The following TTN variants were observed in gnomAD, a reference collection of about 807,000 sequenced individuals.
The protein encoded by TTN is titin.
A neutral mutation model predicts 3,223.0 loss-of-function variants in TTN; 1,525 were observed. The observed-to-expected ratio is 0.47, with a 90% CI of 0.45 to 0.49. The LOEUF is 0.49. Ranked by LOEUF, TTN falls within the 20% of genes least tolerant of loss-of-function variation. The pLI is 0.00. For missense variants in TTN, 40,786 were observed against 43,424.0 expected, an observed-to-expected ratio of 0.94 and a Z score of 5.40; for synonymous variants, 14,094 against 15,161.0, an observed-to-expected ratio of 0.93 and a Z score of 5.17.
intron 119 of TTN, among the ~76,000 whole-genome samples, chr2:178,693,172 G>A (rs1365765642): frequency 1.3e-5 from 2 of 151,974 alleles, no homozygotes; most frequent in Non-Finnish European, 2.9e-5. Context: ...ACACAGATAA[G>A]AACAAAATGC....
rs756368092 is a variant in TTN, at chr2:178,740,179, G to C, written c.13054C>G (p.Pro4352Ala). Reference sequence around the variant, plus strand: ...TTAGACTCAATGATTTGGTCTGGGGGCATCACCACGTTGTCAGAATGCTCT... The same window carrying C: ...TTAGACTCAATGATTTGGTCTGGGGCCATCACCACGTTGTCAGAATGCTCT... ...KEEHSDNVVM[P>A]PDQIIESKRE... Residue 4352 changes from proline to alanine, a missense_variant, in exon 48 of 363, where the codon CCC becomes GCC. Coordinates refer to ENST00000589042, the MANE Select transcript of TTN (RefSeq NM_001267550.2). 3 of 1,613,388 alleles carry C rather than the reference G, an allele frequency of 1.9e-6. No individual in the cohort carries two copies. In the South Asian group the frequency reaches 3.3e-5, roughly 18 times the overall value.
intron 278 of TTN, 22 bp from the exon 279 acceptor site, chr2:178,605,735 A>G: frequency 6.9e-7 from 1 of 1,448,292 alleles, no homozygotes; most frequent in South Asian, 1.7e-5. Context: ...GGCAAGTGAA[A>G]ATGATTAGCA....
rs372301168 is a variant in TTN, at chr2:178,750,585, G to A, written c.11311+2539C>T. 2 of 1,612,192 alleles carry A rather than the reference G, an allele frequency of 1.2e-6. No individual in the cohort carries two copies. The highest frequency in any genetic ancestry group is 2.7e-5 in the African/African-American group (2 of 74,796). ...AGAAATGAAGGTGGGCAACGTTGTG[G>A]GCGTTTTCGAAAAGAATTTTCAAAA... is the stretch of plus-strand genomic sequence containing the variant. On this transcript the variant is annotated intron_variant, in intron 47 of 362. Transcript: ENST00000589042.
chr2:178,637,189 A>C (rs1335246130), intron 224 of TTN, among the ~76,000 whole-genome samples, 180 bp downstream of exon 224: 8 of 124,724 alleles, frequency 6.4e-5, no homozygotes, highest in Non-Finnish European at 1.2e-4. Flanking sequence ...ATATATATAT[A>C]TCTCCTTGCA....
chr2:178,536,592 AG>A lies in TTN; in HGVS notation c.100172-18del. On this transcript the variant is annotated intron_variant, in intron 356 of 362. Coordinates refer to ENST00000589042, the MANE Select transcript of TTN (RefSeq NM_001267550.2). Reference sequence around the variant, plus strand: ...CTGGCTTTTCTATTAAACAAAAAAAAGATTTGAGTCATGAGATGAAACAGGC... The same window carrying A: ...CTGGCTTTTCTATTAAACAAAAAAAAATTTGAGTCATGAGATGAAACAGGC... 2 of 1,483,200 alleles carry A rather than the reference AG, an allele frequency of 1.3e-6. No homozygotes were observed. Among genetic ancestry groups the A allele is most frequent in the African/African-American group, 2.8e-5 (2 of 71,380 alleles). 91.9% of individuals were successfully genotyped at this position (1,483,200 alleles called of 1,614,324 possible).
intron 313 of TTN, 40 bp from the exon 314 acceptor site, chr2:178,582,632 G>A (rs760975456): frequency 4.5e-6 from 7 of 1,561,936 alleles, no homozygotes; most frequent in Non-Finnish European, 5.2e-6. Flanking sequence ...GTGGAATGGG[G>A]AATGAGTATA....
chr2:178,795,805 T>A (rs987136726), intron 6 of TTN, among the ~76,000 whole-genome samples: 1 of 152,186 alleles, frequency 6.6e-6, no homozygotes, highest in Non-Finnish European at 1.5e-5. Flanking sequence ...GGGGGACACA[T>A]CCTCAGGAAG....
At chr2:178,679,576 C>T (rs769550402) in intron 141 of TTN, 23 bp downstream of exon 141, 2 of 1,605,076 alleles carry the variant, frequency 1.2e-6, no homozygotes, top group Non-Finnish European at 8.5e-7. Context: ...CTCTTAGATA[C>T]CCGTCAATGA....
Position 178,630,870 on chromosome 2 carries a change from G to T in TTN, c.44088C>A (p.Thr14696=), listed in dbSNP as rs749706106. 1.1e-5 allele frequency: 17 copies of T among 1,613,172 alleles called. No homozygotes were observed. The highest frequency in any genetic ancestry group is 1.4e-5 in the Non-Finnish European group (16 of 1,179,510). Residue 14696 remains threonine, a synonymous_variant, in exon 238 of 363, where the codon ACC becomes ACA. Transcript: ENST00000589042. ...VMETETARFE[T]EISEDDIHAN... ...CGTGGATATCATCTTCAGAGATTTC[G>T]GTTTCAAAGCGTGCTGTCTCAGTCT...
rs1223149453 is a variant in TTN, at chr2:178,568,609, G to A, written c.77523C>T (p.Thr25841=). The A allele has an allele frequency of 5.0e-6, 8 of 1,613,326 alleles. No homozygotes were observed. Among genetic ancestry groups the A allele is most frequent in the Non-Finnish European group, 6.8e-6 (8 of 1,179,526 alleles). Residue 25841 remains threonine, a synonymous_variant, in exon 326 of 363, where the codon ACC becomes ACT. Transcript: ENST00000589042. Reference sequence around the variant, plus strand: ...GTGAATCGGTAACATTGATTCTTGTGGTCTGCTTCAGTGGGAGACCATCTT... The same window carrying A: ...GTGAATCGGTAACATTGATTCTTGTAGTCTGCTTCAGTGGGAGACCATCTT... The part of the protein sequence containing the change: ...WTKDGLPLKQ[T]TRINVTDSLD...
At chr2:178,714,765 G>C (rs1198076996) in intron 90 of TTN, among the ~76,000 whole-genome samples, 192 bp from the exon 91 acceptor site, 2 of 152,092 alleles carry the variant, frequency 1.3e-5, no homozygotes, top group East Asian at 1.9e-4. Flanking sequence ...ATCTACTCCA[G>C]CTTTCTTAAT....
At chr2:178,764,053 G>C in intron 43 of TTN, 124 bp downstream of exon 43, 1 of 1,417,052 alleles carries the variant, frequency 7.1e-7, no homozygotes, top group Non-Finnish European at 9.9e-7. Flanking sequence ...TTTTCTGTTA[G>C]ATTTCCATTA....
Position 178,712,383 on chromosome 2 carries a change from C to T in TTN, c.27539G>A (p.Gly9180Glu). ...EIPSSTVEDA[G>E]QYNCYIENAS... ...ATTTTCAATGTAGCAGTTGTATTGTCCTGCATCCTCTACTGTGCTACTTGG... is the reference window on the plus strand; with the variant it reads ...ATTTTCAATGTAGCAGTTGTATTGTTCTGCATCCTCTACTGTGCTACTTGG... The change falls in exon 95 of 363, where the codon GGA (glycine) becomes GAA (glutamate). Residue 9180 changes from glycine (G) to glutamate (E), a missense_variant. By Grantham distance (98) the Gly-to-Glu change is moderately conservative (BLOSUM62 -2). Coordinates refer to ENST00000589042, the MANE Select transcript of TTN (RefSeq NM_001267550.2). 1 of 1,613,780 alleles carries T rather than the reference C, an allele frequency of 6.2e-7. No individual in the cohort carries two copies.
chr2:178,685,699 T>A (rs574015020), intron 127 of TTN, 101 bp from the exon 128 acceptor site: 122 of 1,196,354 alleles, frequency 1.0e-4, no homozygotes, highest in Non-Finnish European at 1.4e-4. Context: ...ATAGCAAAAG[T>A]TTAACCCTTG....
Position 178,591,681 on chromosome 2 carries a change from A to G in TTN, c.60138T>C (p.Tyr20046=), listed in dbSNP as rs1215527173. The change falls in exon 303 of 363, where the codon TAT becomes TAC. Residue 20046 remains tyrosine (Y), a synonymous_variant. Coordinates refer to ENST00000589042, the MANE Select transcript of TTN (RefSeq NM_001267550.2). ...TGTTTTCAGCTTTTACACGGAATCT[A>G]TAGGTCTTTCCTTGTTGTAGTCCAG... ...VVTGLQQGKT[Y]RFRVKAENIV... is the part of the protein sequence containing the mutation. The G allele has an allele frequency of 9.9e-6, 16 of 1,613,332 alleles. No individual in the cohort carries two copies. The highest frequency in any genetic ancestry group is 6.7e-5 in the African/African-American group (5 of 74,882).
intron 164 of TTN, 72 bp downstream of exon 164, chr2:178,665,635 TC>T: frequency 1.6e-5 from 20 of 1,269,026 alleles, no homozygotes; most frequent in Non-Finnish European, 2.1e-5. Context: ...TTTATTATTC[TC>T]CAGTTCCCTA....
chr2:178,778,718 G>T, intron 24 of TTN, 156 bp downstream of exon 24: 1 of 1,051,968 alleles, frequency 9.5e-7, no homozygotes, highest in Non-Finnish European at 1.4e-6. Context: ...ACAGGGGCAA[G>T]AAATAAAAAC....
intron 232 of TTN, 42 bp downstream of exon 232, chr2:178,633,371 C>T (rs777692128): frequency 6.2e-7 from 1 of 1,612,948 alleles, no homozygotes; most frequent in Non-Finnish European, 8.5e-7. Flanking sequence ...TAATAAACTG[C>T]AGATTCAGAT....
In TTN at chr2:178,576,836, A is replaced by G; in HGVS notation, c.69413-5T>C. On this transcript the variant is annotated splice_polypyrimidine_tract_variant and splice_region_variant and intron_variant, in intron 324 of 362. Coordinates refer to ENST00000589042, the MANE Select transcript of TTN (RefSeq NM_001267550.2). The surrounding 1 kb of genome is among the most constrained non-coding windows in gnomAD (Gnocchi z 4.3). ...TTTCAGGAGGGCCAGGGGGACCTGA[A>G]AAGGAAGCAAATTTATTAGAAATCC... 2 of 1,602,824 alleles carry G rather than the reference A, an allele frequency of 1.2e-6. No homozygotes were observed. The highest frequency in any genetic ancestry group is 1.1e-5 in the South Asian group (1 of 88,212).
Sources: allele counts gnomAD v4.1 joint callset (sites outside exome capture counted in the v4.1 genomes callset), GRCh38; gene constraint gnomAD v4.1.1; non-coding constraint Gnocchi (gnomAD v3.1); transcripts MANE v1.5; gene names NCBI Gene and HGNC (gene_info 2026-07-23, HGNC 2026-07-21).